The following CSMD1 variants were observed in gnomAD, a reference collection of about 807,000 sequenced individuals.
CSMD1 encodes the protein CUB and sushi domain-containing protein 1.
CSMD1 carries 213 observed loss-of-function variants against 417.5 expected under a neutral mutation model. That is an observed-to-expected ratio of 0.51 (90% CI 0.46 to 0.57). The LOEUF is 0.57. Ranked by LOEUF, CSMD1 falls within the 20% of genes least tolerant of loss-of-function variation. CSMD1 has a pLI of 0.00. For missense variants in CSMD1, 6,923 were observed against 4,529.7 expected (o/e 1.53, Z -15.17); for synonymous variants, 2,862 against 1,736.8 (o/e 1.65, Z -16.11).
intron 1 of CSMD1, among the ~76,000 whole-genome samples, chr8:4,677,437 T>G (rs1346026078): frequency 2.0e-5 from 3 of 152,088 alleles, no homozygotes; most frequent in Admixed American, 6.6e-5. Context: ...TCGTTCTCTC[T>G]CCAACCTTGT....
Position 3,409,500 on chromosome 8 carries a change from G to C in CSMD1, c.1667C>G (p.Ala556Gly), listed in dbSNP as rs1347637748. The C allele has an allele frequency of 1.2e-6, 2 of 1,611,234 alleles. No individual in the cohort carries two copies. The highest frequency in any genetic ancestry group is 1.7e-6 in the Non-Finnish European group (2 of 1,178,898). The change falls in exon 13 of 70, where the codon GCC becomes GGC. Residue 556 changes from alanine (A) to glycine (G), a missense_variant. Transcript: ENST00000635120. ...GDTLTFECPA[A>G]FELVGERVIT... ...AACTCTCTCCCCCACCAGCTCAAAGGCCGCCGGGCATTCAAAGGTGAGTGT... is the reference window on the plus strand; with the variant it reads ...AACTCTCTCCCCCACCAGCTCAAAGCCCGCCGGGCATTCAAAGGTGAGTGT...
chr8:3,549,468 G>A (rs904912031), intron 10 of CSMD1, among the ~76,000 whole-genome samples: 4 of 152,134 alleles, frequency 2.6e-5, no homozygotes, highest in African/African-American at 7.2e-5. Flanking sequence ...CCCTCATGTC[G>A]CAGCAGTGAG....
At chr8:4,906,854 G>A (rs1484830378) in intron 1 of CSMD1, among the ~76,000 whole-genome samples, 1 of 152,112 alleles carries the variant, frequency 6.6e-6, no homozygotes, top group Non-Finnish European at 1.5e-5. Context: ...CGCTGCCCCC[G>A]GCCTTGAGTT....
chr8:3,952,874 T>G (rs1475269798), intron 5 of CSMD1, among the ~76,000 whole-genome samples: 6 of 152,114 alleles, frequency 3.9e-5, no homozygotes, highest in Admixed American at 2.6e-4. Context: ...AAAAAACAAA[T>G]CATCTCTAAC....
intron 1 of CSMD1, among the ~76,000 whole-genome samples, chr8:4,692,142 A>T (rs912649513): frequency 6.6e-6 from 1 of 152,046 alleles, no homozygotes; most frequent in Admixed American, 6.5e-5. Flanking sequence ...CACCTGCTGA[A>T]AACCTGCCCC....
rs17336970 is a variant in CSMD1 at position 4,467,428 on chromosome 8, C to G, written c.303-47363G>C. ...TTTCTCTTTTTCCGTCTTAGACTACCAAGCAGACATCCTTCTAAACCGTTA... is the reference window on the plus strand; with the variant it reads ...TTTCTCTTTTTCCGTCTTAGACTACGAAGCAGACATCCTTCTAAACCGTTA... On this transcript the variant is annotated intron_variant, in intron 2 of 69. Transcript: ENST00000635120. 6.5e-3 allele frequency among the ~76,000 whole-genome samples: 986 copies of G among 151,364 alleles called. 4 individuals are homozygous for G. Among genetic ancestry groups the G allele is most frequent in the Middle Eastern group, 0.01 (3 of 294 alleles).
In CSMD1 at chr8:3,387,656, G is replaced by C. The variant is rs1383475657; in HGVS notation, c.2620C>G (p.Leu874Val). 6.3e-7 allele frequency: 1 copy of C among 1,599,572 alleles called. No individual in the cohort carries two copies. The highest frequency in any genetic ancestry group is 8.5e-7 in the Non-Finnish European group (1 of 1,172,840). Reference protein sequence around the residue: ...ESVTLESDSCLDPGIPVNGHR... With the variant: ...ESVTLESDSCVDPGIPVNGHR... ...CCGTTCACAGGGATGCCCGGGTCCA[G>C]GCAGGAATCCGACTCAAGCGTCACA... Residue 874 changes from leucine (L) to valine (V), a missense_variant, in exon 18 of 70, where the codon CTG (leucine) becomes GTG (valine). By Grantham distance (32) the Leu-to-Val change is conservative. Coordinates refer to ENST00000635120, the MANE Select transcript of CSMD1 (RefSeq NM_033225.6).
chr8:4,628,921 A>AAAT (rs1802332863), intron 2 of CSMD1, among the ~76,000 whole-genome samples: 1 of 152,184 alleles, frequency 6.6e-6, no homozygotes, highest in Non-Finnish European at 1.5e-5. Context: ...ACCTTGGAAG[A>AAAT]AAATGGACAC....
chr8:3,491,606 A>C (rs374821306), intron 11 of CSMD1, among the ~76,000 whole-genome samples: 19 of 152,322 alleles, frequency 1.2e-4, no homozygotes, highest in East Asian at 5.8e-4. Flanking sequence ...GATTCGACGA[A>C]TGAAGGAGTC....
intron 10 of CSMD1, among the ~76,000 whole-genome samples, chr8:3,523,015 C>CCACACACA (rs35558604): frequency 8.5e-5 from 12 of 141,794 alleles, no homozygotes; most frequent in African/African-American, 3.0e-4. Flanking sequence ...ATACACACAC[C>CCACACACA]CACACACACA....
chr8:3,307,962 G>C (rs140707364), intron 24 of CSMD1, 141 bp from the exon 25 acceptor site: 2 of 930,620 alleles, frequency 2.1e-6, no homozygotes, highest in South Asian at 1.9e-5. Context: ...TCTCCTGACC[G>C]TTTCAATATT....
intron 7 of CSMD1, among the ~76,000 whole-genome samples, chr8:3,698,678 G>A (rs910009295): frequency 6.6e-6 from 1 of 152,134 alleles, no homozygotes; most frequent in South Asian, 2.1e-4. Flanking sequence ...AACACGCCTG[G>A]TATTCCTTAA....
chr8:4,356,492 A>G (rs766717244), intron 3 of CSMD1, among the ~76,000 whole-genome samples: 2 of 152,090 alleles, frequency 1.3e-5, no homozygotes, highest in Non-Finnish European at 2.9e-5. Context: ...GATACCTGGG[A>G]GTGGGATTGC....
At chr8:4,682,205 G>T (rs1172260608) in intron 1 of CSMD1, among the ~76,000 whole-genome samples, 1 of 151,954 alleles carries the variant, frequency 6.6e-6, no homozygotes, top group Non-Finnish European at 1.5e-5. Context: ...TTTTTGAATT[G>T]TTTTTGTAGA....
intron 5 of CSMD1, among the ~76,000 whole-genome samples, chr8:3,920,457 T>C (rs1463368296): frequency 6.6e-6 from 1 of 152,120 alleles, no homozygotes; most frequent in East Asian, 1.9e-4. Flanking sequence ...CTTTCCAATT[T>C]GAGTGCCTTT....
At chr8:4,596,412 C>G (rs73502534) in intron 2 of CSMD1, among the ~76,000 whole-genome samples, 4,364 of 152,146 alleles carry the variant, frequency 0.029, 98 homozygotes, top group African/African-American at 0.064. Context: ...AGACAATTTT[C>G]TATTCATTTC....
chr8:3,559,997 GA>G (rs1220782431), intron 10 of CSMD1, among the ~76,000 whole-genome samples: 1 of 152,136 alleles, frequency 6.6e-6, no homozygotes, highest in African/African-American at 2.4e-5. Context: ...TTCCTAACAA[GA>G]TGAGTGGCCA....
chr8:3,514,544 AAAT>A (rs1331812945), intron 10 of CSMD1, among the ~76,000 whole-genome samples: 27 of 152,256 alleles, frequency 1.8e-4, no homozygotes, highest in Non-Finnish European at 3.8e-4. Flanking sequence ...TTTCACAAAT[AAAT>A]AATATGTTAT....
chr8:4,787,196 T>A (rs549957895), intron 1 of CSMD1: 183 of 445,686 alleles, frequency 4.1e-4, no homozygotes, highest in African/African-American at 2.5e-3. Flanking sequence ...TGGCGCAGGG[T>A]CGCGGGGCCC....
Sources: allele counts gnomAD v4.1 joint callset (sites outside exome capture counted in the v4.1 genomes callset), GRCh38; gene constraint gnomAD v4.1.1; transcripts MANE v1.5; gene names NCBI Gene and HGNC (gene_info 2026-07-23, HGNC 2026-07-21).